SLC30A6: variants seen among roughly 807,000 people sequenced by gnomAD.
SLC30A6 encodes solute carrier family 30 member 6.
Under a neutral mutation model 63.0 loss-of-function variants are expected in SLC30A6, and 55 were observed. The observed-to-expected ratio is 0.87, with a 90% CI of 0.70 to 1.09. SLC30A6 has a LOEUF of 1.09. SLC30A6 is among the 50% of genes least tolerant of loss of function. The pLI is 0.00. For synonymous variants in SLC30A6, 224 were observed against 186.1 expected (o/e 1.20, Z -1.66); for missense variants, 587 against 549.2 (o/e 1.07, Z -0.69).
intron 5 of SLC30A6, among the ~76,000 whole-genome samples, chr2:32,188,839 G>A (rs555326059): frequency 1.3e-5 from 2 of 152,136 alleles, no homozygotes; most frequent in South Asian, 4.2e-4. Context: ...ACCTCCCTTC[G>A]TGTCCATTCA....
intron 13 of SLC30A6, chr2:32,214,433 A>G (rs1017642042): frequency 1.3e-5 from 2 of 151,714 alleles, no homozygotes; most frequent in Non-Finnish European, 2.9e-5. Context: ...TCTTTCCTTT[A>G]TTTTTTTAAT....
At chr2:32,202,917 C>A in intron 10 of SLC30A6, 1 of 1,093,898 alleles carries the variant, frequency 9.1e-7, no homozygotes, top group Non-Finnish European at 1.4e-6. Context: ...TCATTGGTCT[C>A]AGAGGCCAGC....
At chr2:32,174,668 C>T (rs1681564453) in intron 3 of SLC30A6, among the ~76,000 whole-genome samples, 1 of 150,992 alleles carries the variant, frequency 6.6e-6, no homozygotes. Context: ...ATTCTCCTGC[C>T]TCAGCCTCCC....
At chr2:32,187,657 AC>A (rs2148839772) in intron 5 of SLC30A6, among the ~76,000 whole-genome samples, 1 of 152,312 alleles carries the variant, frequency 6.6e-6, no homozygotes, top group Non-Finnish European at 1.5e-5. Flanking sequence ...ACAGCTTCAC[AC>A]GGATGTCTAA....
chr2:32,208,687 C>G (rs1684997792), intron 12 of SLC30A6, among the ~76,000 whole-genome samples: 1 of 142,466 alleles, frequency 7.0e-6, no homozygotes, highest in South Asian at 2.2e-4. Flanking sequence ...AATTGTTGTA[C>G]TTTTTTAGTA....
chr2:32,209,292 C>T (rs553784115), intron 12 of SLC30A6, among the ~76,000 whole-genome samples: 4 of 152,176 alleles, frequency 2.6e-5, no homozygotes, highest in South Asian at 2.1e-4. Context: ...AAGCAAGAAA[C>T]GAGGAAAGCA....
At chr2:32,202,296 T>G in intron 10 of SLC30A6, 1 of 476,110 alleles carries the variant, frequency 2.1e-6, no homozygotes, top group Non-Finnish European at 3.8e-6. Flanking sequence ...GCGATCCCTT[T>G]GATTGAAAGA....
chr2:32,193,934 G>C lies in SLC30A6; in HGVS notation c.447G>C (p.Leu149=). 6.2e-7 allele frequency: 1 copy of C among 1,613,448 alleles called. No homozygotes were observed. Among genetic ancestry groups the C allele is most frequent in the East Asian group, 2.2e-5 (1 of 44,766 alleles). ...CTTTTGTGGCTCTTTGTTTCAACCTGTTCACGATGCTTTCTATTCGGAATA... is the reference window on the plus strand; with the variant it reads ...CTTTTGTGGCTCTTTGTTTCAACCTCTTCACGATGCTTTCTATTCGGAATA... ...VGTFVALCFN[L]FTMLSIRNKP... is the part of the protein sequence containing the mutation. Residue 149 remains leucine (L), a synonymous_variant, in exon 8 of 14, where the codon CTG becomes CTC. Transcript: ENST00000282587.
In SLC30A6 at chr2:32,222,167, C is replaced by T. The variant is rs544152573; in HGVS notation, c.*1454C>T. 6.6e-6 allele frequency: 1 copy of T among 152,200 alleles called. No individual in the cohort carries two copies. Among genetic ancestry groups the T allele is most frequent in the South Asian group, 2.1e-4 (1 of 4,818 alleles). 9.4% of individuals were successfully genotyped at this position (152,200 alleles called of 1,614,324 possible). A position where few individuals can be genotyped will look rare whatever the true frequency, so the allele number is the denominator to read the frequency against. ...GATTATGTTATTTTTTAGTTGTTTT[C>T]CAAATGCAGAGTTTAAGGACTTTCT... On this transcript the variant is annotated 3_prime_UTR_variant, in exon 14 of 14. Transcript: ENST00000282587.
rs1686088180 is a variant in SLC30A6, at chr2:32,220,648, A to C, written c.1321A>C (p.Thr441Pro). ...AATTGGAGCAACTCAAGGATTGAGG[A>C]CTGGTTTTACAAATATACCAAGTAG... ...PGIGATQGLR[T>P]GFTNIPSRYG... The change falls in exon 14 of 14, where the codon ACT becomes CCT. Residue 441 changes from threonine (T) to proline (P), a missense_variant. Coordinates refer to ENST00000282587, the MANE Select transcript of SLC30A6 (RefSeq NM_017964.5). 1 of 1,614,170 alleles carries C rather than the reference A, an allele frequency of 6.2e-7. No individual in the cohort carries two copies. The highest frequency in any genetic ancestry group is 1.7e-5 in the Admixed American group (1 of 60,012).
intron 4 of SLC30A6, among the ~76,000 whole-genome samples, chr2:32,176,613 G>A (rs868262781): frequency 9.3e-5 from 14 of 150,064 alleles, no homozygotes; most frequent in African/African-American, 2.9e-4. Context: ...AGCTGAGATC[G>A]CAGCACTGCA....
At chr2:32,209,668 T>A in intron 13 of SLC30A6, 107 bp downstream of exon 13, 1 of 876,496 alleles carries the variant, frequency 1.1e-6, no homozygotes, top group South Asian at 1.8e-5. Flanking sequence ...CTTTGATTCC[T>A]AGTTATGTTA....
intron 1 of SLC30A6, among the ~76,000 whole-genome samples, chr2:32,167,904 C>T (rs1016823847): frequency 2.6e-5 from 4 of 152,124 alleles, no homozygotes; most frequent in Admixed American, 2.0e-4. Flanking sequence ...TCCTTACAGA[C>T]GATGTTAAAG....
chr2:32,218,746 G>T (rs113021622), intron 13 of SLC30A6, among the ~76,000 whole-genome samples: 5 of 152,086 alleles, frequency 3.3e-5, no homozygotes, highest in African/African-American at 1.2e-4. Flanking sequence ...TAGTAGAGAC[G>T]TGATTTCGCC....
At chr2:32,167,494 T>C (rs1680789433) in intron 1 of SLC30A6, among the ~76,000 whole-genome samples, 1 of 151,928 alleles carries the variant, frequency 6.6e-6, no homozygotes, top group African/African-American at 2.4e-5. Flanking sequence ...CTAATTTGCA[T>C]ATGCTCTTCC....
chr2:32,191,008 A>G (rs899612577), intron 5 of SLC30A6, among the ~76,000 whole-genome samples: 7 of 152,124 alleles, frequency 4.6e-5, no homozygotes, highest in Non-Finnish European at 8.8e-5. Context: ...TTTCTGTACA[A>G]TTTGGTGTAT....
chr2:32,220,086 C>G (rs1686037638), intron 13 of SLC30A6, 127 bp from the exon 14 acceptor site: 1 of 1,036,318 alleles, frequency 9.6e-7, no homozygotes, highest in Non-Finnish European at 1.4e-6. Flanking sequence ...GAAATATTAA[C>G]ATTAAGCTTT....
chr2:32,167,556 C>G (rs1680796914), intron 1 of SLC30A6, among the ~76,000 whole-genome samples: 1 of 152,038 alleles, frequency 6.6e-6, no homozygotes, highest in Non-Finnish European at 1.5e-5. Flanking sequence ...CAGAATAACC[C>G]TTATATATCC....
chr2:32,186,967 G>GCCT (rs1231492285), intron 5 of SLC30A6, among the ~76,000 whole-genome samples: 2 of 143,870 alleles, frequency 1.4e-5, no homozygotes, highest in Non-Finnish European at 3.0e-5. Flanking sequence ...CTGCACTCCT[G>GCCT]CCTGGGAGAC....
Sources: allele counts gnomAD v4.1 joint callset (sites outside exome capture counted in the v4.1 genomes callset), GRCh38; gene constraint gnomAD v4.1.1; transcripts MANE v1.5; gene names NCBI Gene and HGNC (gene_info 2026-07-23, HGNC 2026-07-21).